Variants in ERN1 observed in about 807,000 individuals in gnomAD.
ERN1 encodes serine/threonine-protein kinase/endoribonuclease IRE1.
A neutral mutation model predicts 113.1 loss-of-function variants in ERN1; 39 were observed. The ratio of observed to expected loss-of-function variants is 0.34; its 90% CI spans 0.27 to 0.45. The LOEUF (loss-of-function observed/expected upper bound fraction) is 0.45, where lower values mean the gene tolerates loss of function less well. Among genes scored for constraint, ERN1 ranks in the 20% least tolerant of loss-of-function variants. The pLI is 1.00. For synonymous variants in ERN1, 507 were observed against 515.9 expected (o/e 0.98, Z 0.23); for missense variants, 976 against 1,274.8 (o/e 0.77, Z 3.57).
rs756115732 is a variant in ERN1, at chr17:64,098,334, C to G, written c.55-93G>C. 6.9e-6 allele frequency: 10 copies of G among 1,453,082 alleles called. No individual in the cohort carries two copies. The Admixed American group carries it at 1.7e-4, about 24-fold the overall frequency. The allele number at this position is 1,453,082 out of a possible 1,614,324, so 90.0% of individuals were successfully genotyped here. On this transcript the variant is annotated intron_variant, in intron 1 of 21. Transcript: ENST00000433197. ...ACCCCCCACTCCCAAGGTTATCCTA[C>G]TAAAACCCTCCATTTTACAGATGAA...
intron 5 of ERN1, 65 bp from the exon 6 acceptor site, chr17:64,072,168 G>C: frequency 6.4e-7 from 1 of 1,573,664 alleles, no homozygotes; most frequent in Non-Finnish European, 8.7e-7. Context: ...TGCCAAACTA[G>C]CAGCCAAGAT....
At chr17:64,114,886 G>A (rs1016687269) in intron 1 of ERN1, among the ~76,000 whole-genome samples, 5 of 152,106 alleles carry the variant, frequency 3.3e-5, no homozygotes, top group Non-Finnish European at 7.4e-5. Context: ...GTAGGAGAGC[G>A]TAGTAAATAT....
intron 20 of ERN1, 41 bp downstream of exon 20, chr17:64,045,318 A>G (rs945662034): frequency 3.2e-5 from 51 of 1,612,252 alleles, no homozygotes; most frequent in Non-Finnish European, 3.8e-5. Flanking sequence ...GGCGGCAGCG[A>G]CTTTTGCAAC....
chr17:64,086,217 C>A (rs1017140701), intron 2 of ERN1, among the ~76,000 whole-genome samples: 2 of 152,224 alleles, frequency 1.3e-5, no homozygotes, highest in Non-Finnish European at 2.9e-5. Flanking sequence ...AAAACACACA[C>A]CCATGTAACT....
chr17:64,053,020 C>A, intron 16 of ERN1, 41 bp from the exon 17 acceptor site: 1 of 1,399,990 alleles, frequency 7.1e-7, no homozygotes, highest in Non-Finnish European at 9.4e-7. Flanking sequence ...TTACCAGGAG[C>A]AACCCCAGGC....
chr17:64,106,763 C>CACACACAA (rs373338585), intron 1 of ERN1, among the ~76,000 whole-genome samples: 1 of 138,460 alleles, frequency 7.2e-6, no homozygotes, highest in South Asian at 2.1e-4. Flanking sequence ...CACACACACA[C>CACACACAA]AAGCTCGCTG....
chr17:64,101,005 C>T (rs1914368842), intron 1 of ERN1, among the ~76,000 whole-genome samples: 1 of 152,112 alleles, frequency 6.6e-6, no homozygotes, highest in East Asian at 1.9e-4. Context: ...CCAGTCCTTA[C>T]AATAAATTCC....
chr17:64,072,728 G>C (rs1370651544), intron 5 of ERN1, among the ~76,000 whole-genome samples: 3 of 152,234 alleles, frequency 2.0e-5, no homozygotes, highest in African/African-American at 7.2e-5. Flanking sequence ...GATTATGACA[G>C]GCAGACAGCA....
chr17:64,129,854 G>A (rs1372122417), intron 1 of ERN1, 122 bp downstream of exon 1: 15 of 924,806 alleles, frequency 1.6e-5, no homozygotes, highest in Non-Finnish European at 2.2e-5. Flanking sequence ...TGGGCTCACG[G>A]GGCATCTGGC....
At chr17:64,074,511 C>T (rs1240080884) in intron 5 of ERN1, among the ~76,000 whole-genome samples, 2 of 152,166 alleles carry the variant, frequency 1.3e-5, no homozygotes, top group African/African-American at 4.8e-5. Flanking sequence ...GCACTTGAGA[C>T]CCAGAAATAC....
Position 64,061,774 on chromosome 17 carries a change from T to C in ERN1, c.1088-1187A>G, listed in dbSNP as rs564579766. Among the ~76,000 whole-genome samples the C allele has an allele frequency of 2.0e-5, 3 of 152,316 alleles. No homozygotes were observed. The South Asian group carries it at 6.2e-4, about 32-fold the overall frequency. ...GAATGTGAGTATGTGCGGGTAACTCTGAGGCTCACTAACAAGAGACCTACG... is the reference window on the plus strand; with the variant it reads ...GAATGTGAGTATGTGCGGGTAACTCCGAGGCTCACTAACAAGAGACCTACG... On this transcript the variant is annotated intron_variant, in intron 10 of 21. Transcript: ENST00000433197.
chr17:64,109,067 T>G (rs1227028452), intron 1 of ERN1, among the ~76,000 whole-genome samples: 1 of 151,656 alleles, frequency 6.6e-6, no homozygotes, highest in Non-Finnish European at 1.5e-5. Context: ...GAGGTTGCAG[T>G]GAGCTGAGAT....
chr17:64,054,108 T>G lies in ERN1; in HGVS notation c.1953+142A>C. ...GAACACATCGCTAGGCCTGGCTAAT[T>G]TTTGGTTTCTTTGTAGAGATGGGGT... On this transcript the variant is annotated intron_variant, in intron 15 of 21. Coordinates refer to ENST00000433197, the MANE Select transcript of ERN1 (RefSeq NM_001433.5). The surrounding 1 kb of genome is among the most constrained non-coding windows in gnomAD (Gnocchi z 4.9). The G allele has an allele frequency of 2.9e-6, 2 of 698,998 alleles. No homozygotes were observed. The highest frequency in any genetic ancestry group is 2.0e-5 in the South Asian group (1 of 49,614). The allele number at this position is 698,998 out of a possible 1,614,324, so 43.3% of individuals were successfully genotyped here.
intron 1 of ERN1, among the ~76,000 whole-genome samples, chr17:64,112,796 C>T (rs1049723259): frequency 3.3e-5 from 5 of 152,168 alleles, no homozygotes; most frequent in African/African-American, 1.2e-4. Flanking sequence ...CATCTGTATC[C>T]TTTATCATAA....
chr17:64,066,542 C>A, intron 8 of ERN1, 129 bp downstream of exon 8: 1 of 1,134,710 alleles, frequency 8.8e-7, no homozygotes, highest in Non-Finnish European at 1.2e-6. Context: ...ACAGTCTTGG[C>A]TCTGAATATT....
Position 64,041,364 on chromosome 17 carries a change from T to A in ERN1, c.*2624A>T, listed in dbSNP as rs2143302734. 1 of 152,204 alleles carries A rather than the reference T, an allele frequency of 6.6e-6. No individual in the cohort carries two copies. Among genetic ancestry groups the A allele is most frequent in the South Asian group, 2.1e-4 (1 of 4,818 alleles). The allele number at this position is 152,204 out of a possible 1,614,324, so 9.4% of individuals were successfully genotyped here. A position where few individuals can be genotyped will look rare whatever the true frequency, so the allele number is the denominator to read the frequency against. Reference sequence around the variant, plus strand: ...CAACAGCCTTCCAGGATTGGAGAAGTCCCATAACCTGAACTACAGACCAAA... The same window carrying A: ...CAACAGCCTTCCAGGATTGGAGAAGACCCATAACCTGAACTACAGACCAAA... On this transcript the variant is annotated 3_prime_UTR_variant, in exon 22 of 22. Coordinates refer to ENST00000433197, the MANE Select transcript of ERN1 (RefSeq NM_001433.5).
intron 5 of ERN1, 46 bp downstream of exon 5, chr17:64,075,129 G>T: frequency 6.9e-7 from 1 of 1,445,092 alleles, no homozygotes; most frequent in Non-Finnish European, 9.5e-7. Context: ...CAGATTCCGG[G>T]ACTTACATCA....
chr17:64,075,142 G>T (rs1913547999), intron 5 of ERN1, 33 bp downstream of exon 5: 2 of 1,506,268 alleles, frequency 1.3e-6, no homozygotes, highest in African/African-American at 2.8e-5. Flanking sequence ...TTACATCAAA[G>T]AGACACAAGT....
intron 1 of ERN1, among the ~76,000 whole-genome samples, chr17:64,107,402 G>A (rs973446076): frequency 2.6e-5 from 4 of 152,146 alleles, no homozygotes; most frequent in Admixed American, 1.3e-4. Context: ...GCTCACTGCA[G>A]CCTCGACCTC....
Sources: allele counts gnomAD v4.1 joint callset (sites outside exome capture counted in the v4.1 genomes callset), GRCh38; gene constraint gnomAD v4.1.1; non-coding constraint Gnocchi (gnomAD v3.1); transcripts MANE v1.5; gene names NCBI Gene and HGNC (gene_info 2026-07-23, HGNC 2026-07-21).